The following HDAC3 variants were observed in gnomAD, a reference collection of about 807,000 sequenced individuals.
The protein encoded by HDAC3 is histone deacetylase 3.
Under a neutral mutation model 62.3 loss-of-function variants are expected in HDAC3, and 21 were observed. The observed-to-expected ratio is 0.34, with a 90% CI of 0.24 to 0.49. The LOEUF is 0.49. HDAC3 is among the 20% of genes least tolerant of loss of function. The pLI, the probability that HDAC3 is intolerant of heterozygous loss-of-function variation, is 0.99. For synonymous variants in HDAC3, 198 were observed against 206.5 expected (o/e 0.96, Z 0.35); for missense variants, 270 against 556.9 (o/e 0.48, Z 5.19).
chr5:141,625,657 T>G lies in HDAC3; in HGVS notation c.1059+28A>C, dbSNP rs200484801. The G allele has an allele frequency of 6.2e-7, 1 of 1,606,722 alleles. No individual in the cohort carries two copies. The highest frequency in any genetic ancestry group is 2.2e-5 in the East Asian group (1 of 44,838). Reference sequence around the variant, plus strand: ...CTGGGCTCCACCTTTCAGGAGAAGTTTGTGCTCAGCTTTTCTGAGCTGCTG... The same window carrying G: ...CTGGGCTCCACCTTTCAGGAGAAGTGTGTGCTCAGCTTTTCTGAGCTGCTG... On this transcript the variant is annotated intron_variant, in intron 13 of 14. Coordinates refer to ENST00000305264, the MANE Select transcript of HDAC3 (RefSeq NM_003883.4). This position sits in a 1 kb window ranked among gnomAD's most constrained non-coding sequence, Gnocchi z 4.0.
chr5:141,624,666 G>A (rs1009473595), intron 14 of HDAC3, among the ~76,000 whole-genome samples: 8 of 151,750 alleles, frequency 5.3e-5, no homozygotes, highest in African/African-American at 1.9e-4. Flanking sequence ...ATGTAAGGGG[G>A]TTCATTGCCA....
In HDAC3 at chr5:141,628,701, C is replaced by T. The variant is rs951833889; in HGVS notation, c.611-62G>A. The T allele has an allele frequency of 8.2e-7, 1 of 1,222,354 alleles. No individual in the cohort carries two copies. The allele number at this position is 1,222,354 out of a possible 1,614,324, so 75.7% of individuals were successfully genotyped here. A position where few individuals can be genotyped will look rare whatever the true frequency, so the allele number is the denominator to read the frequency against. On this transcript the variant is annotated intron_variant, in intron 7 of 14. Coordinates refer to ENST00000305264, the MANE Select transcript of HDAC3 (RefSeq NM_003883.4). This position sits in a 1 kb window ranked among gnomAD's most constrained non-coding sequence, Gnocchi z 4.7. ...AGCACCCACAACCCAGCTGTTTCAG[C>T]CCCAATCTGCACTCTGGGAGCCTCT...
At chr5:141,631,226 C>T (rs956880594) in intron 3 of HDAC3, among the ~76,000 whole-genome samples, 3 of 151,936 alleles carry the variant, frequency 2.0e-5, no homozygotes, top group South Asian at 4.2e-4. Flanking sequence ...CTTGCTCTGT[C>T]GCCCAGGCTG....
Position 141,626,026 on chromosome 5 carries a change from C to T in HDAC3, c.966G>A (p.Glu322=), listed in dbSNP as rs73794947. The change falls in exon 12 of 15, where the codon GAG becomes GAA. Residue 322 remains glutamate, a synonymous_variant. Coordinates refer to ENST00000305264, the MANE Select transcript of HDAC3 (RefSeq NM_003883.4). This position sits in a 1 kb window ranked among gnomAD's most constrained non-coding sequence, Gnocchi z 4.6. ...GGTGGTCCTTACCACTATAGGGAAG[C>T]TCCTCACTAATGGCCTCTTCTACCA... The part of the protein sequence containing the change: ...SLLVEEAISE[E]LPYSEYFEYF... 2,987 of 1,613,764 alleles carry T rather than the reference C, an allele frequency of 1.9e-3. 50 individuals carry two copies. The African/African-American group carries it at 0.036, about 19-fold the overall frequency.
chr5:141,625,039 A>T lies in HDAC3; in HGVS notation c.1217+169T>A. Reference sequence around the variant, plus strand: ...GCTGTTTTAAAATTTTGCAATAAATACGTGTTACTTTTGTCATTAAAAATA... The same window carrying T: ...GCTGTTTTAAAATTTTGCAATAAATTCGTGTTACTTTTGTCATTAAAAATA... On this transcript the variant is annotated intron_variant, in intron 14 of 14. Coordinates refer to ENST00000305264, the MANE Select transcript of HDAC3 (RefSeq NM_003883.4). The surrounding 1 kb of genome is among the most constrained non-coding windows in gnomAD (Gnocchi z 4.0). 1.4e-6 allele frequency: 1 copy of T among 689,786 alleles called. No individual in the cohort carries two copies. The highest frequency in any genetic ancestry group is 2.4e-6 in the Non-Finnish European group (1 of 421,234). The allele number at this position is 689,786 out of a possible 1,614,324, so 42.7% of individuals were successfully genotyped here. A position where few individuals can be genotyped will look rare whatever the true frequency, so the allele number is the denominator to read the frequency against.
Position 141,630,001 on chromosome 5 carries a change from G to C in HDAC3, c.363+43C>G, listed in dbSNP as rs1157488293. 29 of 1,613,084 alleles carry C rather than the reference G, an allele frequency of 1.8e-5. No homozygotes were observed. In the East Asian group the frequency reaches 6.5e-4, roughly 36 times the overall value. On this transcript the variant is annotated intron_variant, in intron 4 of 14. Coordinates refer to ENST00000305264, the MANE Select transcript of HDAC3 (RefSeq NM_003883.4). ...GGATCAGGGTTAAATCCCGAGTCCA[G>C]GGATCCAGAGGAAAGGAAGAACAGG... is the stretch of plus-strand genomic sequence containing the variant.
At chr5:141,624,523 C>A (rs1458231447) in intron 14 of HDAC3, among the ~76,000 whole-genome samples, 1 of 144,262 alleles carries the variant, frequency 6.9e-6, no homozygotes, top group African/African-American at 2.6e-5. Context: ...TGCCACTGTA[C>A]TCCAGCCTGG....
At chr5:141,621,619 A>T in intron 14 of HDAC3, 82 bp from the exon 15 acceptor site, 1 of 1,162,252 alleles carries the variant, frequency 8.6e-7, no homozygotes, top group Non-Finnish European at 1.3e-6. Context: ...GCCATTTCTC[A>T]GGCCCCGTTG....
At chr5:141,635,095 A>G in intron 2 of HDAC3, 142 bp from the exon 3 acceptor site, 1 of 763,620 alleles carries the variant, frequency 1.3e-6, no homozygotes, top group Admixed American at 3.0e-5. Context: ...AAGTCAGTAG[A>G]GAGACTCCGA....
intron 14 of HDAC3, among the ~76,000 whole-genome samples, chr5:141,623,760 A>T (rs2099904015): frequency 6.6e-6 from 1 of 152,128 alleles, no homozygotes; most frequent in Non-Finnish European, 1.5e-5. Context: ...GAAGGGGCTG[A>T]GAAGCCCATC....
chr5:141,626,317 G>T lies in HDAC3; in HGVS notation c.831-34C>A. ...AGGAACCAGAGGAAGATGTGGAGGA[G>T]GTTATCAAAAGACAAGGTAAATACC... On this transcript the variant is annotated intron_variant, in intron 10 of 14. Coordinates refer to ENST00000305264, the MANE Select transcript of HDAC3 (RefSeq NM_003883.4). This position sits in a 1 kb window ranked among gnomAD's most constrained non-coding sequence, Gnocchi z 4.6. 1 of 1,555,748 alleles carries T rather than the reference G, an allele frequency of 6.4e-7. No homozygotes were observed. The highest frequency in any genetic ancestry group is 8.9e-7 in the Non-Finnish European group (1 of 1,127,848).
Position 141,629,590 on chromosome 5 carries a change from C to G in HDAC3, c.476+94G>C, listed in dbSNP as rs182978107. 1.1e-3 allele frequency: 1,415 copies of G among 1,251,512 alleles called. 4 individuals are homozygous for G. The highest frequency in any genetic ancestry group is 1.3e-3 in the Non-Finnish European group (1,158 of 870,468). 77.5% of individuals were successfully genotyped at this position (1,251,512 alleles called of 1,614,324 possible). Reference sequence around the variant, plus strand: ...CATCAAGAACTTGGGAGAAGCTAATCAGGGAGGAGGGAGGTCAAGGTCAGG... The same window carrying G: ...CATCAAGAACTTGGGAGAAGCTAATGAGGGAGGAGGGAGGTCAAGGTCAGG... On this transcript the variant is annotated intron_variant, in intron 6 of 14. Transcript: ENST00000305264. This position sits in a 1 kb window ranked among gnomAD's most constrained non-coding sequence, Gnocchi z 5.3.
intron 3 of HDAC3, among the ~76,000 whole-genome samples, chr5:141,634,490 C>G (rs1407844348): frequency 1.1e-4 from 17 of 152,032 alleles, no homozygotes; most frequent in Admixed American, 1.1e-3. Context: ...CTAGGAAGGC[C>G]CCACCGACCA....
At chr5:141,624,556 C>CA (rs768572344) in intron 14 of HDAC3, among the ~76,000 whole-genome samples, 2,284 of 66,724 alleles carry the variant, frequency 0.034, 94 homozygotes, top group African/African-American at 0.11. Flanking sequence ...GACCCTGTCT[C>CA]AAAAAAAAAA....
rs2154597874 is a variant in HDAC3, at chr5:141,628,673, G to A, written c.611-34C>T. 6.5e-7 allele frequency: 1 copy of A among 1,549,286 alleles called. No individual in the cohort carries two copies. Among genetic ancestry groups the A allele is most frequent in the African/African-American group, 1.4e-5 (1 of 73,648 alleles). ...AAGTGGGTGGTGGTAGCCACACATG[G>A]GAAGCACCCACAACCCAGCTGTTTC... On this transcript the variant is annotated intron_variant, in intron 7 of 14. Transcript: ENST00000305264. The surrounding 1 kb of genome is among the most constrained non-coding windows in gnomAD (Gnocchi z 4.7).
rs1368975754 is a variant in HDAC3, at chr5:141,625,661, G to A, written c.1059+24C>T. On this transcript the variant is annotated intron_variant, in intron 13 of 14. Transcript: ENST00000305264. This position sits in a 1 kb window ranked among gnomAD's most constrained non-coding sequence, Gnocchi z 4.0. ...GCTCCACCTTTCAGGAGAAGTTTGT[G>A]CTCAGCTTTTCTGAGCTGCTGACCT... The A allele has an allele frequency of 3.7e-6, 6 of 1,608,614 alleles. No individual in the cohort carries two copies. The Admixed American group carries it at 1.0e-4, about 27-fold the overall frequency.
In HDAC3 at chr5:141,629,005, G is replaced by A. The variant is rs894245423; in HGVS notation, c.610+168C>T. Among the ~76,000 whole-genome samples the A allele has an allele frequency of 3.7e-4, 57 of 152,276 alleles. No individual in the cohort carries two copies. The highest frequency in any genetic ancestry group is 3.4e-3 in the Middle Eastern group (1 of 294). On this transcript the variant is annotated intron_variant, in intron 7 of 14. Coordinates refer to ENST00000305264, the MANE Select transcript of HDAC3 (RefSeq NM_003883.4). This position sits in a 1 kb window ranked among gnomAD's most constrained non-coding sequence, Gnocchi z 5.3. ...TGAGTGTTCTGAGGGAAACAATGAG[G>A]CTGATGTAACAGAGGAATGGGGAAG...
In HDAC3 at chr5:141,636,844, G is replaced by T; in HGVS notation, c.-54C>A. The T allele has an allele frequency of 7.3e-7, 1 of 1,374,392 alleles. No homozygotes were observed. Among genetic ancestry groups the T allele is most frequent in the Non-Finnish European group, 9.5e-7 (1 of 1,057,676 alleles). The allele number at this position is 1,374,392 out of a possible 1,614,324, so 85.1% of individuals were successfully genotyped here. A position where few individuals can be genotyped will look rare whatever the true frequency, so the allele number is the denominator to read the frequency against. On this transcript the variant is annotated 5_prime_UTR_variant, in exon 1 of 15. Coordinates refer to ENST00000305264, the MANE Select transcript of HDAC3 (RefSeq NM_003883.4). ...CCGCCGCCCGCCGCCCGCGGCCGCC[G>T]CCAGCCCCTCCCCGGCCGTGCGTGC... is the stretch of plus-strand genomic sequence containing the variant.
chr5:141,625,418 A>G lies in HDAC3; in HGVS notation c.1060-53T>C. Reference sequence around the variant, plus strand: ...AGCAGTTTCCAGAGATTCCCAGGACATGGAATCTCCTAGCTGCCTTTTACC... The same window carrying G: ...AGCAGTTTCCAGAGATTCCCAGGACGTGGAATCTCCTAGCTGCCTTTTACC... On this transcript the variant is annotated intron_variant, in intron 13 of 14. Coordinates refer to ENST00000305264, the MANE Select transcript of HDAC3 (RefSeq NM_003883.4). The surrounding 1 kb of genome is among the most constrained non-coding windows in gnomAD (Gnocchi z 4.0). 3.2e-6 allele frequency: 5 copies of G among 1,580,714 alleles called. No homozygotes were observed. Among genetic ancestry groups the G allele is most frequent in the Middle Eastern group, 1.7e-4 (1 of 5,860 alleles).
Sources: allele counts gnomAD v4.1 joint callset (sites outside exome capture counted in the v4.1 genomes callset), GRCh38; gene constraint gnomAD v4.1.1; non-coding constraint Gnocchi (gnomAD v3.1); transcripts MANE v1.5; gene names NCBI Gene and HGNC (gene_info 2026-07-23, HGNC 2026-07-21).